Variants in CNTNAP5 observed in about 807,000 individuals in gnomAD.
The protein encoded by CNTNAP5 is contactin associated protein family member 5.
A neutral mutation model predicts 150.2 loss-of-function variants in CNTNAP5; 72 were observed. That is an observed-to-expected ratio of 0.48 (90% confidence interval 0.40 to 0.58). The LOEUF is 0.58. CNTNAP5 is among the 20% of genes least tolerant of loss of function. The pLI is 0.00. For missense variants in CNTNAP5, 1,636 were observed against 1,626.2 expected, an observed-to-expected ratio of 1.01 and a Z score of -0.10; for synonymous variants, 672 against 619.8, an observed-to-expected ratio of 1.08 and a Z score of -1.25.
At chr2:124,404,865 A>G (rs1013058295) in intron 3 of CNTNAP5, among the ~76,000 whole-genome samples, 1 of 152,196 alleles carries the variant, frequency 6.6e-6, no homozygotes, top group Non-Finnish European at 1.5e-5. Flanking sequence ...ACTCCAGGGA[A>G]GGAAAGACAA....
chr2:124,670,175 T>TCCTTCCTTCCTTCCTTCCTTCCTTCCTC (rs1441589633), intron 13 of CNTNAP5, among the ~76,000 whole-genome samples: 21 of 136,496 alleles, frequency 1.5e-4, no homozygotes, highest in African/African-American at 5.8e-4. Flanking sequence ...CTTCCTTCCT[T>TCCTTCCTTCCTTCCTTCCTTCCTTCCTC]CCTCCCTCTC....
At chr2:124,790,714 A>G (rs1681706689) in intron 18 of CNTNAP5, among the ~76,000 whole-genome samples, 1 of 152,182 alleles carries the variant, frequency 6.6e-6, no homozygotes, top group South Asian at 2.1e-4. Context: ...CACACATGAA[A>G]GTCAAATTTT....
At chr2:124,111,998 G>C (rs1683309557) in intron 1 of CNTNAP5, among the ~76,000 whole-genome samples, 1 of 152,190 alleles carries the variant, frequency 6.6e-6, no homozygotes, top group African/African-American at 2.4e-5. Flanking sequence ...AGCCATGGGA[G>C]TACCCCATCT....
chr2:124,531,921 C>T (rs941802663), intron 10 of CNTNAP5, among the ~76,000 whole-genome samples: 10 of 152,202 alleles, frequency 6.6e-5, no homozygotes, highest in African/African-American at 2.4e-4. Context: ...AACAGACACT[C>T]AGTTTAGCAG....
At chr2:124,824,500 A>T (rs1334821526) in intron 19 of CNTNAP5, among the ~76,000 whole-genome samples, 1 of 152,130 alleles carries the variant, frequency 6.6e-6, no homozygotes. Flanking sequence ...CCAGAATCTC[A>T]CTCTGAAGGA....
chr2:124,890,619 T>C (rs1435419281), intron 21 of CNTNAP5, among the ~76,000 whole-genome samples: 1 of 152,170 alleles, frequency 6.6e-6, no homozygotes, highest in Admixed American at 6.5e-5. Flanking sequence ...GTTGACGTGG[T>C]GTGCAAAGCC....
intron 12 of CNTNAP5, among the ~76,000 whole-genome samples, chr2:124,640,669 A>G (rs1322618725): frequency 6.6e-6 from 1 of 152,136 alleles, no homozygotes; most frequent in Non-Finnish European, 1.5e-5. Context: ...CCTTCCTTTT[A>G]AAGGTCGGGC....
intron 13 of CNTNAP5, among the ~76,000 whole-genome samples, chr2:124,715,365 C>T (rs1369851951): frequency 6.6e-6 from 1 of 152,120 alleles, no homozygotes; most frequent in Non-Finnish European, 1.5e-5. Context: ...TTATGCCTCT[C>T]ACATGATGTT....
intron 11 of CNTNAP5, among the ~76,000 whole-genome samples, chr2:124,608,183 C>G (rs1193279246): frequency 6.6e-6 from 1 of 152,106 alleles, no homozygotes; most frequent in Non-Finnish European, 1.5e-5. Flanking sequence ...GGTACTATAT[C>G]TTGAAAGCTG....
intron 13 of CNTNAP5, among the ~76,000 whole-genome samples, chr2:124,738,244 T>G (rs1334960862): frequency 6.6e-6 from 1 of 152,216 alleles, no homozygotes; most frequent in African/African-American, 2.4e-5. Flanking sequence ...TCCTCCCTCT[T>G]TCTTTTCACT....
chr2:124,569,025 G>A (rs1696093749), intron 11 of CNTNAP5, among the ~76,000 whole-genome samples: 1 of 152,176 alleles, frequency 6.6e-6, no homozygotes, highest in East Asian at 1.9e-4. Flanking sequence ...TCCAGCCTGG[G>A]CGACAGAGCG....
intron 21 of CNTNAP5, among the ~76,000 whole-genome samples, chr2:124,884,987 T>G (rs966267470): frequency 3.3e-5 from 5 of 152,086 alleles, no homozygotes; most frequent in Non-Finnish European, 2.9e-5. Flanking sequence ...GTCTTCTAAA[T>G]GTAGAACCCA....
At chr2:124,216,511 G>A (rs1187986974) in intron 1 of CNTNAP5, among the ~76,000 whole-genome samples, 3 of 151,964 alleles carry the variant, frequency 2.0e-5, no homozygotes, top group Non-Finnish European at 4.4e-5. Flanking sequence ...TTAGCATTAG[G>A]TATATCTCCT....
intron 3 of CNTNAP5, among the ~76,000 whole-genome samples, chr2:124,337,466 G>T (rs904561976): frequency 6.6e-6 from 1 of 152,118 alleles, no homozygotes; most frequent in Non-Finnish European, 1.5e-5. Flanking sequence ...TGTCCAGAAT[G>T]GTATTCCCTA....
At chr2:124,546,577 T>C (rs1332509752) in intron 10 of CNTNAP5, among the ~76,000 whole-genome samples, 2 of 152,168 alleles carry the variant, frequency 1.3e-5, no homozygotes, top group Non-Finnish European at 1.5e-5. Flanking sequence ...GGGCTGCTCA[T>C]TGTGGGCAGT....
At chr2:124,277,663 C>T (rs1469747965) in intron 3 of CNTNAP5, among the ~76,000 whole-genome samples, 1 of 152,098 alleles carries the variant, frequency 6.6e-6, no homozygotes, top group Admixed American at 6.6e-5. Flanking sequence ...TTTCAACCAT[C>T]TGTCAATTAC....
chr2:124,098,477 T>A (rs1682991128), intron 1 of CNTNAP5, among the ~76,000 whole-genome samples: 2 of 152,190 alleles, frequency 1.3e-5, no homozygotes, highest in South Asian at 4.1e-4. Context: ...ACTTAGGACA[T>A]AACAGCTAAT....
chr2:124,298,759 T>C (rs1316396274), intron 3 of CNTNAP5, among the ~76,000 whole-genome samples: 1 of 152,146 alleles, frequency 6.6e-6, no homozygotes, highest in East Asian at 1.9e-4. Flanking sequence ...CATTATCTTG[T>C]CATACTTCAA....
intron 1 of CNTNAP5, among the ~76,000 whole-genome samples, chr2:124,176,920 C>A (rs1235801901): frequency 1.4e-5 from 2 of 144,574 alleles, no homozygotes; most frequent in Admixed American, 7.2e-5. Context: ...TCTTGGCCCA[C>A]TGCAACTTCT....
Sources: allele counts gnomAD v4.1 joint callset (sites outside exome capture counted in the v4.1 genomes callset), GRCh38; gene constraint gnomAD v4.1.1; transcripts MANE v1.5; gene names NCBI Gene and HGNC (gene_info 2026-07-23, HGNC 2026-07-21).